FBP2: variants seen among roughly 807,000 people sequenced by gnomAD.
The protein encoded by FBP2 is fructose-bisphosphatase 2.
In FBP2, 27 loss-of-function variants were observed where a neutral mutation model predicts 31.6. That is an observed-to-expected ratio of 0.85 (90% CI 0.63 to 1.18). The LOEUF (loss-of-function observed/expected upper bound fraction) is 1.18, where lower values mean the gene tolerates loss of function less well. Ranked by LOEUF, FBP2 falls within the 50% of genes most tolerant of loss-of-function variation. The pLI is 0.00. For missense variants in FBP2, 421 were observed against 436.1 expected, an observed-to-expected ratio of 0.97 and a Z score of 0.31; for synonymous variants, 168 against 179.8, an observed-to-expected ratio of 0.93 and a Z score of 0.53.
chr9:94,593,602 A>T lies in FBP2; in HGVS notation c.125T>A (p.Ile42Asn). ...GCGCACAGCCGAGGAGATGGCTTTG[A>T]TGGCCGTCAGCATTGAGTTCAGCAG... The part of the protein sequence containing the change: ...TQLLNSMLTA[I>N]KAISSAVRKA... Residue 42 changes from isoleucine (I) to asparagine (N), a missense_variant, in exon 1 of 7, where the codon ATC becomes AAC. Transcript: ENST00000375337. The T allele has an allele frequency of 6.2e-7, 1 of 1,614,124 alleles. No individual in the cohort carries two copies.
chr9:94,559,274 G>T, intron 6 of FBP2, 142 bp from the exon 7 acceptor site: 1 of 698,442 alleles, frequency 1.4e-6, no homozygotes, highest in Non-Finnish European at 2.3e-6. Flanking sequence ...GCAAGAGTGG[G>T]CCCGAGCTTT....
chr9:94,577,041 C>T (rs1042172642), intron 3 of FBP2, among the ~76,000 whole-genome samples: 5 of 152,140 alleles, frequency 3.3e-5, no homozygotes, highest in African/African-American at 7.2e-5. Context: ...CCACAGCTCC[C>T]TCTGGCTAGA....
At position 94,587,567 on chromosome 9, in the gene FBP2, G is replaced by A. The variant is rs1197823249; in HGVS notation, c.171-98C>T. On this transcript the variant is annotated intron_variant, in intron 1 of 6. Coordinates refer to ENST00000375337, the MANE Select transcript of FBP2 (RefSeq NM_003837.4). ...AACGCCAGCAGTGCAGTCCCCTCTC[G>A]TTCTGTGTCTCTGGAGTCTCCAAGT... is the stretch of plus-strand genomic sequence containing the variant. The A allele has an allele frequency of 1.2e-5, 12 of 1,039,520 alleles. No homozygotes were observed. The East Asian group carries it at 1.2e-4, about 10-fold the overall frequency. The allele number at this position is 1,039,520 out of a possible 1,614,324, so 64.4% of individuals were successfully genotyped here. A position where few individuals can be genotyped will look rare whatever the true frequency, so the allele number is the denominator to read the frequency against.
chr9:94,564,435 A>G (rs1827156146), intron 5 of FBP2, among the ~76,000 whole-genome samples: 1 of 152,246 alleles, frequency 6.6e-6, no homozygotes, highest in Non-Finnish European at 1.5e-5. Flanking sequence ...GGTAGACTGG[A>G]TAAAGAAATG....
intron 2 of FBP2, among the ~76,000 whole-genome samples, chr9:94,584,977 G>T (rs1827411460): frequency 6.6e-6 from 1 of 152,110 alleles, no homozygotes; most frequent in South Asian, 2.1e-4. Context: ...AAGCCACCAA[G>T]GGAAGCCCCA....
At chr9:94,591,682 G>A (rs1827505082) in intron 1 of FBP2, among the ~76,000 whole-genome samples, 2 of 152,160 alleles carry the variant, frequency 1.3e-5, no homozygotes, top group South Asian at 2.1e-4. Flanking sequence ...GCTTGGAACC[G>A]CGGTAGTGAC....
At chr9:94,576,326 C>G (rs1249179076) in intron 3 of FBP2, among the ~76,000 whole-genome samples, 7 of 152,210 alleles carry the variant, frequency 4.6e-5, no homozygotes, top group Admixed American at 3.9e-4. Context: ...CTGGCCACTT[C>G]CCCTTTACTA....
Position 94,571,487 on chromosome 9 carries a change from C to T in FBP2, c.542G>A (p.Gly181Asp). 1 of 1,613,510 alleles carries T rather than the reference C, an allele frequency of 6.2e-7. No homozygotes were observed. Among genetic ancestry groups the T allele is most frequent in the East Asian group, 2.2e-5 (1 of 44,864 alleles). ...ATLVALSTGQ[G>D]VDLFMLDPAL... ...CGGGTCAAGCATGAAGAGGTCCACG[C>T]CTTGCCCTGTGGAGAGAGCCACCAG... is the stretch of plus-strand genomic sequence containing the variant. The change falls in exon 4 of 7, where the codon GGC (glycine) becomes GAC (aspartate). Residue 181 changes from glycine to aspartate, a missense_variant. By Grantham distance (94) the Gly-to-Asp change is moderately conservative. Coordinates refer to ENST00000375337, the MANE Select transcript of FBP2 (RefSeq NM_003837.4).
intron 1 of FBP2, among the ~76,000 whole-genome samples, chr9:94,593,123 G>A (rs987643373): frequency 1.3e-5 from 2 of 152,138 alleles, no homozygotes; most frequent in Non-Finnish European, 2.9e-5. Context: ...TTCCTATGTC[G>A]TACATAATTT....
chr9:94,561,350 G>GTTTTTTTT (rs1463916724), intron 6 of FBP2, among the ~76,000 whole-genome samples: 3 of 59,792 alleles, frequency 5.0e-5, no homozygotes, highest in Admixed American at 4.7e-4. Context: ...CATGTGACCT[G>GTTTTTTTT]TATTTTTTTT....
At chr9:94,592,243 A>AG (rs1448292530) in intron 1 of FBP2, among the ~76,000 whole-genome samples, 1 of 152,180 alleles carries the variant, frequency 6.6e-6, no homozygotes, top group East Asian at 1.9e-4. Context: ...ATCCACCCAC[A>AG]GGAAAAAAGC....
intron 5 of FBP2, among the ~76,000 whole-genome samples, chr9:94,564,169 GA>G (rs901189942): frequency 1.2e-4 from 18 of 152,252 alleles, no homozygotes; most frequent in Middle Eastern, 3.4e-3. Context: ...CCCAAAACCA[GA>G]AAAATATACA....
At position 94,593,538 on chromosome 9, in the gene FBP2, C is replaced by T. The variant is rs757012592; in HGVS notation, c.170+19G>A. On this transcript the variant is annotated intron_variant, in intron 1 of 6. Transcript: ENST00000375337. ...GGCCTGGGGTGCTCTGTGCCCCATG[C>T]CTGCTCCCCAGGACTCACAGGTGGG... 2.5e-5 allele frequency: 40 copies of T among 1,606,524 alleles called. No homozygotes were observed. The Admixed American group carries it at 6.0e-4, about 24-fold the overall frequency.
intron 3 of FBP2, among the ~76,000 whole-genome samples, chr9:94,581,491 C>A (rs1388340012): frequency 6.6e-6 from 1 of 152,196 alleles, no homozygotes; most frequent in Non-Finnish European, 1.5e-5. Flanking sequence ...CTGGCCACCT[C>A]CATTCCCATC....
At chr9:94,584,784 C>T (rs565723060) in intron 2 of FBP2, 115 bp from the exon 3 acceptor site, 2 of 677,726 alleles carry the variant, frequency 3.0e-6, no homozygotes, top group South Asian at 1.7e-5. Context: ...TTGAGAACCA[C>T]AGCATATCTT....
rs145788401 is a variant in FBP2 at position 94,563,823 on chromosome 9, A to T, written c.706-362T>A. Among the ~76,000 whole-genome samples the T allele has an allele frequency of 1.5e-4, 23 of 152,362 alleles. No homozygotes were observed. The East Asian group carries it at 4.4e-3, about 29-fold the overall frequency. On this transcript the variant is annotated intron_variant, in intron 5 of 6. Coordinates refer to ENST00000375337, the MANE Select transcript of FBP2 (RefSeq NM_003837.4). Reference sequence around the variant, plus strand: ...AAGCCAAACATATAGAAAGCAGAAAAAAGCAGGGGCTGCAATCCTAATTTC... The same window carrying T: ...AAGCCAAACATATAGAAAGCAGAAATAAGCAGGGGCTGCAATCCTAATTTC...
chr9:94,575,213 C>T (rs1048561382), intron 3 of FBP2, among the ~76,000 whole-genome samples: 1 of 152,036 alleles, frequency 6.6e-6, no homozygotes, highest in African/African-American at 2.4e-5. Flanking sequence ...ACATCCAGAT[C>T]CATTTATATA....
At chr9:94,567,745 A>G (rs1827212853) in intron 4 of FBP2, 2 of 242,986 alleles carry the variant, frequency 8.2e-6, no homozygotes, top group Non-Finnish European at 1.6e-5. Flanking sequence ...CCAAGTTCTC[A>G]CCCGCAGATT....
At position 94,563,408 on chromosome 9, in the gene FBP2, C is replaced by T; in HGVS notation, c.759G>A (p.Val253=). ...TTCCTCCATAGACCAGGGTGCGGTG[C>T]ACGTCAGCCACCATGGAGCCCACAT... ...ARYVGSMVAD[V]HRTLVYGGIF... Residue 253 remains valine (V), a synonymous_variant, in exon 6 of 7, where the codon GTG becomes GTA. Transcript: ENST00000375337. 6.2e-7 allele frequency: 1 copy of T among 1,613,982 alleles called. No homozygotes were observed. Among genetic ancestry groups the T allele is most frequent in the African/African-American group, 1.3e-5 (1 of 75,024 alleles).
Sources: gnomAD v4.1 joint callset for allele counts (sites outside exome capture counted in the v4.1 genomes callset) on GRCh38, gnomAD v4.1.1 for gene constraint, MANE v1.5 for transcripts, NCBI Gene and HGNC (gene_info 2026-07-23, HGNC 2026-07-21) for gene names.